TPRG1: variants seen among roughly 807,000 people sequenced by gnomAD.
TPRG1 encodes tumor protein p63-regulated gene 1 protein.
In TPRG1, 29 loss-of-function variants were observed where a neutral mutation model predicts 29.3. The observed-to-expected ratio is 0.99, with a 90% CI of 0.74 to 1.35. The LOEUF (loss-of-function observed/expected upper bound fraction) is 1.35, where lower values mean the gene tolerates loss of function less well. TPRG1 is among the 40% of genes most tolerant of loss of function. TPRG1 has a pLI of 0.00. For missense variants in TPRG1, 327 were observed against 335.0 expected, an observed-to-expected ratio of 0.98 and a Z score of 0.19; for synonymous variants, 130 against 116.8, an observed-to-expected ratio of 1.11 and a Z score of -0.73.
At chr3:189,190,904 G>C in intron 1 of TPRG1, 1 of 961,680 alleles carries the variant, frequency 1.0e-6, no homozygotes, top group Non-Finnish European at 1.2e-6. Context: ...CAGAAAGGCT[G>C]ATCAAAACCA....
At chr3:189,220,692 G>C (rs1360087755) in intron 3 of TPRG1, among the ~76,000 whole-genome samples, 1 of 152,014 alleles carries the variant, frequency 6.6e-6, no homozygotes, top group Non-Finnish European at 1.5e-5. Flanking sequence ...GGGGTATTTG[G>C]TTTTCTGTTC....
At chr3:189,064,704 T>A (rs1716323594) in intron 4 of TPRG1, among the ~76,000 whole-genome samples, 1 of 152,124 alleles carries the variant, frequency 6.6e-6, no homozygotes, top group Admixed American at 6.6e-5. Flanking sequence ...TTATGATAGA[T>A]GCTGCAGCCA....
intron 4 of TPRG1, among the ~76,000 whole-genome samples, chr3:189,286,873 G>C (rs985331176): frequency 2.0e-5 from 3 of 152,202 alleles, no homozygotes; most frequent in Admixed American, 1.3e-4. Context: ...CCAGTTCTCT[G>C]TCAGGTGATG....
At position 189,111,702 on chromosome 3, in the gene TPRG1, C is replaced by T. The variant is rs536786349; in HGVS notation, c.-744+11498C>T. Among the ~76,000 whole-genome samples the T allele has an allele frequency of 1.4e-4, 22 of 152,158 alleles. No homozygotes were observed. The East Asian group carries it at 2.5e-3, about 17-fold the overall frequency. ...ATTTGTATACAGTAACATGATTGCCCGTGTATCCTCTACCTTTGCTAAAAT... is the reference window on the plus strand; with the variant it reads ...ATTTGTATACAGTAACATGATTGCCTGTGTATCCTCTACCTTTGCTAAAAT... On this transcript the variant is annotated intron_variant, in intron 1 of 6. Coordinates refer to the TPRG1 transcript ENST00000412373.
At chr3:188,997,947 G>A (rs1711884683) in intron 1 of TPRG1, among the ~76,000 whole-genome samples, 1 of 151,934 alleles carries the variant, frequency 6.6e-6, no homozygotes, top group South Asian at 2.1e-4. Flanking sequence ...CTACACATCA[G>A]AATTTAACTT....
intron 4 of TPRG1, among the ~76,000 whole-genome samples, chr3:189,258,010 C>T (rs1712216788): frequency 6.6e-6 from 1 of 152,176 alleles, no homozygotes; most frequent in African/African-American, 2.4e-5. Flanking sequence ...GTCAATTAGT[C>T]AAACTCATTC....
intron 4 of TPRG1, among the ~76,000 whole-genome samples, chr3:189,087,354 G>T (rs565198049): frequency 6.6e-6 from 1 of 152,112 alleles, no homozygotes; most frequent in African/African-American, 2.4e-5. Flanking sequence ...TGATGGGGTC[G>T]TTAGTTTTTT....
chr3:189,209,535 G>A (rs1456791923), intron 2 of TPRG1, among the ~76,000 whole-genome samples: 1 of 152,078 alleles, frequency 6.6e-6, no homozygotes, highest in Admixed American at 6.6e-5. Flanking sequence ...ATTCCCCAGA[G>A]CAATACTGGG....
intron 4 of TPRG1, among the ~76,000 whole-genome samples, chr3:189,062,461 A>G (rs1716177632): frequency 1.3e-5 from 2 of 152,182 alleles, no homozygotes; most frequent in South Asian, 4.1e-4. Flanking sequence ...AAAGAAAATG[A>G]TAATTTTTTT....
chr3:189,181,688 T>C (rs1158726681), intron 1 of TPRG1, among the ~76,000 whole-genome samples: 4 of 152,182 alleles, frequency 2.6e-5, no homozygotes, highest in Non-Finnish European at 5.9e-5. Flanking sequence ...AACTTTCCCA[T>C]ATTTTCCTGT....
At chr3:189,257,718 T>G (rs1712163914) in intron 4 of TPRG1, among the ~76,000 whole-genome samples, 1 of 152,206 alleles carries the variant, frequency 6.6e-6, no homozygotes. Context: ...TCATCCTTTT[T>G]TCTCTAATCT....
intron 2 of TPRG1, among the ~76,000 whole-genome samples, chr3:189,210,197 A>G (rs1735053656): frequency 1.3e-5 from 2 of 152,176 alleles, no homozygotes; most frequent in Admixed American, 1.3e-4. Flanking sequence ...ATAAAACGCC[A>G]TTTTTATATA....
intron 4 of TPRG1, among the ~76,000 whole-genome samples, chr3:189,288,871 A>T (rs748522994): frequency 6.6e-6 from 1 of 152,388 alleles, no homozygotes; most frequent in East Asian, 1.9e-4. Flanking sequence ...AATAATCAGC[A>T]TAAGATGGTC....
intron 5 of TPRG1, among the ~76,000 whole-genome samples, chr3:189,154,726 A>G (rs1578569856): frequency 1.3e-5 from 2 of 152,160 alleles, no homozygotes; most frequent in East Asian, 3.9e-4. Context: ...TACAGGCAGG[A>G]GCCACTGTGC....
At chr3:189,120,800 A>G (rs1251977268) in intron 1 of TPRG1, among the ~76,000 whole-genome samples, 1 of 152,214 alleles carries the variant, frequency 6.6e-6, no homozygotes, top group Non-Finnish European at 1.5e-5. Flanking sequence ...AAACCTCGAT[A>G]TAGGTCAATA....
At chr3:189,085,615 C>A (rs1158420527) in intron 4 of TPRG1, among the ~76,000 whole-genome samples, 1 of 152,140 alleles carries the variant, frequency 6.6e-6, no homozygotes, top group African/African-American at 2.4e-5. Flanking sequence ...GAGCTAATAA[C>A]TAACTCCTCA....
At chr3:189,022,663 C>T (rs956912382) in intron 3 of TPRG1, among the ~76,000 whole-genome samples, 1 of 152,206 alleles carries the variant, frequency 6.6e-6, no homozygotes, top group African/African-American at 2.4e-5. Context: ...TTTAAGTCTG[C>T]AGAGGTTACT....
chr3:189,125,487 G>C (rs1003575239), intron 1 of TPRG1, among the ~76,000 whole-genome samples: 1 of 152,136 alleles, frequency 6.6e-6, no homozygotes, highest in Non-Finnish European at 1.5e-5. Context: ...TCTGTTTATA[G>C]CTGATTAATT....
In TPRG1 at chr3:189,142,173, C is replaced by T. The variant is rs74799128; in HGVS notation, c.-290-5411C>T. Among the ~76,000 whole-genome samples, 1,031 of 152,238 alleles carry T rather than the reference C, an allele frequency of 6.8e-3. 7 individuals are homozygous for T. The highest frequency in any genetic ancestry group is 9.4e-3 in the Non-Finnish European group (640 of 68,006). The stretch of plus-strand genomic sequence containing the variant: ...GGACGGGCAGCACGTACAGAGGACG[C>T]GTCCAGGTCTGGGAGAAGCTCCTTC... On this transcript the variant is annotated intron_variant, in intron 3 of 6. Transcript: ENST00000412373.
Sources: gnomAD v4.1 joint callset for allele counts (sites outside exome capture counted in the v4.1 genomes callset) on GRCh38, gnomAD v4.1.1 for gene constraint, MANE v1.5 for transcripts, NCBI Gene and HGNC (gene_info 2026-07-23, HGNC 2026-07-21) for gene names.